Variants in CUBN observed in about 807,000 individuals in gnomAD.
CUBN encodes cubilin, also known as 460 kDa receptor.
CUBN carries 282 observed loss-of-function variants against 405.3 expected under a neutral mutation model. The observed-to-expected ratio is 0.70, with a 90% CI of 0.63 to 0.77. CUBN has a LOEUF of 0.77. CUBN is among the 30% of genes least tolerant of loss of function. The pLI is 0.00. For missense variants in CUBN, 4,514 were observed against 4,475.2 expected (o/e 1.01, Z -0.25); for synonymous variants, 1,684 against 1,617.0 (o/e 1.04, Z -0.99).
chr10:17,011,571 C>T (rs981624615), intron 28 of CUBN, among the ~76,000 whole-genome samples: 4 of 152,222 alleles, frequency 2.6e-5, no homozygotes, highest in Non-Finnish European at 5.9e-5. Context: ...GAGAACAAAG[C>T]TTCCACAGCG....
chr10:16,873,769 G>C lies in CUBN; in HGVS notation c.9236+605C>G, dbSNP rs80279294. 7.6e-3 allele frequency among the ~76,000 whole-genome samples: 1,154 copies of C among 151,656 alleles called. 12 individuals carry two copies. Among genetic ancestry groups the C allele is most frequent in the African/African-American group, 0.026 (1,076 of 41,394 alleles). The stretch of plus-strand genomic sequence containing the variant: ...AAAAAAGAAAATGTATACTTTGAGA[G>C]ACAGTATTGGGAAACATTGAGGATG... On this transcript the variant is annotated intron_variant, in intron 58 of 66. Transcript: ENST00000377833.
chr10:16,902,029 G>A (rs199558723), intron 51 of CUBN, among the ~76,000 whole-genome samples: 6 of 120,086 alleles, frequency 5.0e-5, no homozygotes, highest in African/African-American at 1.3e-4. Context: ...TATATAGTGT[G>A]TATATATATA....
At chr10:17,105,244 G>T (rs1416846363) in intron 11 of CUBN, among the ~76,000 whole-genome samples, 1 of 152,102 alleles carries the variant, frequency 6.6e-6, no homozygotes, top group Non-Finnish European at 1.5e-5. Context: ...CGTAGTTTTA[G>T]TACTTCATAA....
At chr10:17,091,205 G>A (rs1836250240) in intron 14 of CUBN, among the ~76,000 whole-genome samples, 1 of 152,076 alleles carries the variant, frequency 6.6e-6, no homozygotes, top group Non-Finnish European at 1.5e-5. Context: ...CCAGAGTTTT[G>A]AAAACAAATT....
chr10:16,947,275 T>A lies in CUBN; in HGVS notation c.5302A>T (p.Ile1768Phe), dbSNP rs779378713. 4.3e-6 allele frequency: 7 copies of A among 1,613,912 alleles called. No homozygotes were observed. Among genetic ancestry groups the A allele is most frequent in the Middle Eastern group, 3.3e-4 (2 of 6,082 alleles). The change falls in exon 36 of 67, where the codon ATC becomes TTC. Residue 1768 changes from isoleucine to phenylalanine, a missense_variant. Around this residue, in one of 5 missense-constraint regions of CUBN, gnomAD observed 1,613 missense variants for 1,542.8 expected, o/e 1.05. Coordinates refer to ENST00000377833, the MANE Select transcript of CUBN (RefSeq NM_001081.4). ...AGCCGGTTGCCAGGGGAACTGACGATGTTCCAGACACATTCCACATTAGGG... is the reference window on the plus strand; with the variant it reads ...AGCCGGTTGCCAGGGGAACTGACGAAGTTCCAGACACATTCCACATTAGGG... ...YPPNVECVWNIVSSPGNRLQL... is the reference protein window; with the variant it reads ...YPPNVECVWNFVSSPGNRLQL...
intron 17 of CUBN, among the ~76,000 whole-genome samples, chr10:17,077,804 C>A (rs1588627820): frequency 6.6e-6 from 1 of 152,006 alleles, no homozygotes; most frequent in East Asian, 1.9e-4. Context: ...ATGAGAGAAG[C>A]CATTTAGGAT....
At chr10:17,066,939 G>A (rs1368034840) in intron 21 of CUBN, among the ~76,000 whole-genome samples, 1 of 152,110 alleles carries the variant, frequency 6.6e-6, no homozygotes, top group East Asian at 1.9e-4. Flanking sequence ...ATCAAGCAAT[G>A]TAGGACAACA....
chr10:16,825,507 T>C (rs1838748172), intron 66 of CUBN, among the ~76,000 whole-genome samples: 1 of 152,190 alleles, frequency 6.6e-6, no homozygotes, highest in South Asian at 2.1e-4. Flanking sequence ...ACTGCAAATT[T>C]AATTTTTCTG....
intron 28 of CUBN, among the ~76,000 whole-genome samples, chr10:17,013,778 G>A (rs1834252586): frequency 6.6e-6 from 1 of 152,158 alleles, no homozygotes; most frequent in Non-Finnish European, 1.5e-5. Context: ...CTGGTCCCTG[G>A]GGGAAGAGGC....
At chr10:16,865,810 G>C (rs1183681578) in intron 59 of CUBN, among the ~76,000 whole-genome samples, 1 of 152,026 alleles carries the variant, frequency 6.6e-6, no homozygotes, top group African/African-American at 2.4e-5. Context: ...TCCACGCTGC[G>C]GAAGTTTTGT....
chr10:16,840,593 A>T (rs1839317627), intron 61 of CUBN, 58 bp from the exon 62 acceptor site: 1 of 1,378,956 alleles, frequency 7.3e-7, no homozygotes, highest in African/African-American at 1.4e-5. Flanking sequence ...CATCTCAGGC[A>T]ATCTTTGCAA....
intron 33 of CUBN, among the ~76,000 whole-genome samples, chr10:16,951,504 T>G (rs569068231): frequency 1.2e-4 from 18 of 152,314 alleles, no homozygotes; most frequent in Middle Eastern, 3.4e-3. Context: ...AACTGTATTT[T>G]CCTGCAAACC....
Position 16,899,040 on chromosome 10 carries a change from G to C in CUBN, c.8554C>G (p.Leu2852Val). 3.7e-6 allele frequency: 6 copies of C among 1,613,610 alleles called. No individual in the cohort carries two copies. Among genetic ancestry groups the C allele is most frequent in the Non-Finnish European group, 5.1e-6 (6 of 1,179,488 alleles). The change falls in exon 54 of 67, where the codon CTA (leucine) becomes GTA (valine). Residue 2852 changes from leucine (L) to valine (V), a missense_variant. By Grantham distance (32) the Leu-to-Val change is conservative (BLOSUM62 1). Transcript: ENST00000377833. ...HLEISFDNNF[L>V]IPSGDGQCQN... is the part of the protein sequence containing the mutation. ...CATTGTCCATCACCGCTGGGGATTA[G>C]GAAGTTGTTGTCAAAGCTGATCTCC... is the stretch of plus-strand genomic sequence containing the variant.
chr10:17,026,569 G>A (rs1246972519), intron 27 of CUBN, among the ~76,000 whole-genome samples: 1 of 151,920 alleles, frequency 6.6e-6, no homozygotes, highest in Non-Finnish European at 1.5e-5. Context: ...AGGAGGTGGA[G>A]CTTGCAGTGA....
intron 61 of CUBN, 131 bp from the exon 62 acceptor site, chr10:16,840,666 G>A (rs1298629276): frequency 8.8e-6 from 8 of 909,462 alleles, no homozygotes; most frequent in Non-Finnish European, 1.4e-5. Context: ...TAAGAATTCA[G>A]GGTTTATATC....
At chr10:16,934,462 T>A (rs926621968) in intron 39 of CUBN, among the ~76,000 whole-genome samples, 1 of 152,224 alleles carries the variant, frequency 6.6e-6, no homozygotes, top group African/African-American at 2.4e-5. Flanking sequence ...CTATGTAGGC[T>A]ACAGATTTTT....
At chr10:16,982,712 C>A in intron 30 of CUBN, 59 bp from the exon 31 acceptor site, 1 of 1,446,560 alleles carries the variant, frequency 6.9e-7, no homozygotes, top group Non-Finnish European at 9.6e-7. Context: ...GAAAATAATC[C>A]ATTACCTGGT....
intron 66 of CUBN, among the ~76,000 whole-genome samples, chr10:16,828,462 A>C (rs1325904895): frequency 6.6e-6 from 1 of 152,182 alleles, no homozygotes; most frequent in African/African-American, 2.4e-5. Context: ...TCACGCGTGT[A>C]ATCCCAACAC....
At chr10:16,983,880 T>C (rs2131700340) in intron 30 of CUBN, among the ~76,000 whole-genome samples, 1 of 152,362 alleles carries the variant, frequency 6.6e-6, no homozygotes, top group Non-Finnish European at 1.5e-5. Flanking sequence ...GCTCTCACCA[T>C]GGACTTACAC....
Sources: allele counts gnomAD v4.1 joint callset (sites outside exome capture counted in the v4.1 genomes callset), GRCh38; gene constraint gnomAD v4.1.1; regional missense constraint gnomAD v4.1.1; transcripts MANE v1.5; gene names NCBI Gene and HGNC (gene_info 2026-07-23, HGNC 2026-07-21).